Variants in RBPMS observed in about 807,000 individuals in gnomAD.
RBPMS encodes RNA binding protein, mRNA processing factor, also known as RNA-binding protein with multiple splicing.
A neutral mutation model predicts 26.8 loss-of-function variants in RBPMS; 7 were observed. The observed-to-expected ratio is 0.26, with a 90% CI of 0.15 to 0.49. The LOEUF (loss-of-function observed/expected upper bound fraction) is 0.49. Ranked by LOEUF, RBPMS falls within the 20% of genes least tolerant of loss-of-function variation. The pLI, the probability that RBPMS is intolerant of heterozygous loss-of-function variation, is 0.98. For synonymous variants in RBPMS, 96 were observed against 93.3 expected (o/e 1.03, Z -0.17); for missense variants, 186 against 250.0 (o/e 0.74, Z 1.73).
chr8:30,552,223 C>A (rs928406243), intron 6 of RBPMS: 2 of 152,016 alleles, frequency 1.3e-5, no homozygotes, highest in Middle Eastern at 3.2e-3. Flanking sequence ...TTTTTTTCTT[C>A]TGTAGGCATA....
chr8:30,529,295 A>G (rs920430559), intron 5 of RBPMS, among the ~76,000 whole-genome samples: 6 of 152,084 alleles, frequency 3.9e-5, no homozygotes, highest in Non-Finnish European at 7.4e-5. Flanking sequence ...AGTGACATCA[A>G]TTATATTCAC....
chr8:30,522,303 CAAGA>C (rs1046158126), intron 5 of RBPMS, among the ~76,000 whole-genome samples: 1 of 150,298 alleles, frequency 6.7e-6, no homozygotes, highest in Non-Finnish European at 1.5e-5. Flanking sequence ...GCCTGGGCAA[CAAGA>C]AAGAAACTCC....
At position 30,415,601 on chromosome 8, in the gene RBPMS, T is replaced by G. The variant is rs147822624; in HGVS notation, c.66+30443T>G. ...GATAATCAATTATCAGATATCAGGT[T>G]CTGGGAGGGTGCTTCAGGAAACTCA... On this transcript the variant is annotated intron_variant, in intron 1 of 8. Transcript: ENST00000397323. Among the ~76,000 whole-genome samples the G allele has an allele frequency of 2.4e-3, 361 of 152,330 alleles. 2 individuals carry two copies. Among genetic ancestry groups the G allele is most frequent in the Admixed American group, 5.5e-3 (84 of 15,300 alleles).
intron 5 of RBPMS, among the ~76,000 whole-genome samples, chr8:30,520,119 T>C (rs1178289170): frequency 6.6e-6 from 1 of 152,232 alleles, no homozygotes; most frequent in Non-Finnish European, 1.5e-5. Context: ...GTAAGGTCCC[T>C]ATCACCTTCA....
chr8:30,411,766 G>A (rs1319707128), intron 1 of RBPMS, among the ~76,000 whole-genome samples: 3 of 151,666 alleles, frequency 2.0e-5, no homozygotes, highest in African/African-American at 4.8e-5. Context: ...GGTGGATCAC[G>A]AGGTCAGGAG....
chr8:30,455,618 G>T (rs373796688), intron 1 of RBPMS, among the ~76,000 whole-genome samples: 1 of 152,270 alleles, frequency 6.6e-6, no homozygotes, highest in East Asian at 1.9e-4. Context: ...GGCCGGGCGT[G>T]GGAGCTCACG....
rs1253372125 is a variant in RBPMS at position 30,558,726 on chromosome 8, C to T, written c.529-161C>T. Reference sequence around the variant, plus strand: ...GTGTGGAACGCCTCTCAGGACACCGCTCTGATGCTTTTCAGCCCCTTGGGG... The same window carrying T: ...GTGTGGAACGCCTCTCAGGACACCGTTCTGATGCTTTTCAGCCCCTTGGGG... On this transcript the variant is annotated intron_variant, in intron 6 of 8. Transcript: ENST00000397323. 1.5e-4 allele frequency: 103 copies of T among 704,930 alleles called. 3 individuals are homozygous for T. The highest frequency in any genetic ancestry group is 1.0e-3 in the South Asian group (68 of 66,202). The allele number at this position is 704,930 out of a possible 1,614,324, so 43.7% of individuals were successfully genotyped here.
intron 1 of RBPMS, among the ~76,000 whole-genome samples, chr8:30,422,955 G>A (rs374892039): frequency 2.3e-4 from 35 of 152,230 alleles, no homozygotes; most frequent in East Asian, 1.7e-3. Flanking sequence ...TTCTATGATC[G>A]CAGCAAGTCC....
At chr8:30,538,376 T>A (rs992992247) in intron 5 of RBPMS, among the ~76,000 whole-genome samples, 1 of 152,072 alleles carries the variant, frequency 6.6e-6, no homozygotes, top group Non-Finnish European at 1.5e-5. Context: ...TGCCTCAGCC[T>A]CCCAAGTAGC....
intron 1 of RBPMS, among the ~76,000 whole-genome samples, chr8:30,454,243 A>G (rs1313211274): frequency 3.9e-5 from 6 of 152,256 alleles, no homozygotes; most frequent in African/African-American, 1.4e-4. Context: ...ATGTAAGCAT[A>G]CTTGATTAAC....
At chr8:30,456,513 A>G (rs1352063973) in intron 1 of RBPMS, among the ~76,000 whole-genome samples, 1 of 152,112 alleles carries the variant, frequency 6.6e-6, no homozygotes, top group Admixed American at 6.6e-5. Flanking sequence ...TTTTAAAATC[A>G]TGGTTATATT....
At chr8:30,477,217 T>A (rs1047772722) in intron 2 of RBPMS, among the ~76,000 whole-genome samples, 1 of 152,132 alleles carries the variant, frequency 6.6e-6, no homozygotes, top group Non-Finnish European at 1.5e-5. Flanking sequence ...CATGCTCGGC[T>A]AATTTTTTTG....
At chr8:30,445,385 A>C (rs1813610083) in intron 1 of RBPMS, 1 of 152,182 alleles carries the variant, frequency 6.6e-6, no homozygotes, top group Non-Finnish European at 1.5e-5. Context: ...TAAGATACAT[A>C]GATTGACAAA....
chr8:30,511,037 C>T (rs921265361), intron 5 of RBPMS, among the ~76,000 whole-genome samples: 2 of 150,222 alleles, frequency 1.3e-5, no homozygotes, highest in African/African-American at 2.4e-5. Flanking sequence ...CAAGGCCAGG[C>T]GTGGTGGCTC....
chr8:30,386,060 C>T (rs557978332), intron 1 of RBPMS, among the ~76,000 whole-genome samples: 5 of 152,290 alleles, frequency 3.3e-5, no homozygotes, highest in African/African-American at 2.4e-5. Flanking sequence ...TACTTCTTAA[C>T]ATCCCACACA....
intron 5 of RBPMS, among the ~76,000 whole-genome samples, chr8:30,511,076 C>T (rs1322845204): frequency 2.6e-5 from 4 of 152,112 alleles, no homozygotes; most frequent in African/African-American, 9.6e-5. Flanking sequence ...CTTTGGGAGG[C>T]CGAGGTGATC....
At chr8:30,542,423 G>A (rs973415722) in intron 5 of RBPMS, among the ~76,000 whole-genome samples, 26 of 152,158 alleles carry the variant, frequency 1.7e-4, no homozygotes, top group African/African-American at 6.3e-4. Flanking sequence ...ATTTTTAAAA[G>A]TTTCTAAAGG....
At chr8:30,499,891 TGTG>T (rs1820370529) in intron 4 of RBPMS, among the ~76,000 whole-genome samples, 1 of 151,188 alleles carries the variant, frequency 6.6e-6, no homozygotes, top group Admixed American at 6.6e-5. Flanking sequence ...TGTGTGTGTG[TGTG>T]TGTGTGTGTG....
rs553130039 is a variant in RBPMS at position 30,472,093 on chromosome 8, C to T, written c.67-2686C>T. ...AAAAGAAAGAAAGTATACATCCATA[C>T]AAAGATTTGTACATGAATGTTCATA... is the stretch of plus-strand genomic sequence containing the variant. On this transcript the variant is annotated intron_variant, in intron 1 of 8. Transcript: ENST00000397323. Among the ~76,000 whole-genome samples, 18 of 152,174 alleles carry T rather than the reference C, an allele frequency of 1.2e-4. 1 individual carries two copies. In the East Asian group the frequency reaches 3.5e-3, roughly 29 times the overall value.
Sources: gnomAD v4.1 joint callset for allele counts (sites outside exome capture counted in the v4.1 genomes callset) on GRCh38, gnomAD v4.1.1 for gene constraint, MANE v1.5 for transcripts, NCBI Gene and HGNC (gene_info 2026-07-23, HGNC 2026-07-21) for gene names.